RAI1: variants seen among roughly 807,000 people sequenced by gnomAD.
The protein encoded by RAI1 is retinoic acid-induced protein 1.
Under a neutral mutation model 123.8 loss-of-function variants are expected in RAI1, and 9 were observed. That is an observed-to-expected ratio of 0.07 (90% CI 0.04 to 0.13). The LOEUF (loss-of-function observed/expected upper bound fraction) is 0.13. Ranked by LOEUF, RAI1 falls within the 10% of genes least tolerant of loss-of-function variation. The pLI is 1.00. For synonymous variants in RAI1, 1,231 were observed against 1,127.3 expected (o/e 1.09, Z -1.84); for missense variants, 2,256 against 2,545.8 (o/e 0.89, Z 2.45).
At chr17:17,783,190 G>T (rs2031672705) in intron 2 of RAI1, among the ~76,000 whole-genome samples, 2 of 152,110 alleles carry the variant, frequency 1.3e-5, no homozygotes, top group African/African-American at 2.4e-5. Context: ...GCAGCGACCG[G>T]GGACCGGGGG....
intron 1 of RAI1, among the ~76,000 whole-genome samples, chr17:17,711,727 G>A (rs1194768554): frequency 2.0e-5 from 3 of 152,218 alleles, no homozygotes; most frequent in East Asian, 1.9e-4. Context: ...TTGAATAAAG[G>A]TGGGTGGGAC....
rs752124907 is a variant in RAI1 at position 17,796,187 on chromosome 17, C to T, written c.3239C>T (p.Pro1080Leu). 6.4e-7 allele frequency: 1 copy of T among 1,554,618 alleles called. No individual in the cohort carries two copies. The highest frequency in any genetic ancestry group is 8.7e-7 in the Non-Finnish European group (1 of 1,149,744). The change falls in exon 3 of 6, where the codon CCC becomes CTC. Residue 1080 changes from proline to leucine, a missense_variant. Around this residue, in one of 7 missense-constraint regions of RAI1, gnomAD observed 566 missense variants for 616.0 expected, o/e 0.92. Transcript: ENST00000353383. This position sits in a 1 kb window ranked among gnomAD's most constrained non-coding sequence, Gnocchi z 5.8. ...GPPGLTTTPA[P>L]PDKLGGKQRA... The stretch of plus-strand genomic sequence containing the variant: ...CCAGGCCTGACCACCACCCCTGCAC[C>T]CCCAGACAAACTGGGGGGCAAGCAG...
At chr17:17,733,131 C>A (rs1191835290) in intron 2 of RAI1, among the ~76,000 whole-genome samples, 1 of 152,212 alleles carries the variant, frequency 6.6e-6, no homozygotes, top group African/African-American at 2.4e-5. Context: ...CAGCTGGGCC[C>A]TGGCACTCTG....
chr17:17,747,253 C>T (rs1003891531), intron 2 of RAI1, among the ~76,000 whole-genome samples: 3 of 152,112 alleles, frequency 2.0e-5, no homozygotes, highest in Non-Finnish European at 2.9e-5. Context: ...GACCCCCACA[C>T]GTCACCTCCC....
rs767025491 is a variant in RAI1 at position 17,811,245 on chromosome 17, G to GTATACA, written c.*1275_*1280dup. On this transcript the variant is annotated 3_prime_UTR_variant, in exon 6 of 6. Coordinates refer to ENST00000353383, the MANE Select transcript of RAI1 (RefSeq NM_030665.4). ...GCCTCGTTATATAGTGTATATATAT[G>GTATACA]TATACATATACATATATATAATATA... 1 of 339,050 alleles carries GTATACA rather than the reference G, an allele frequency of 2.9e-6. No individual in the cohort carries two copies. The highest frequency in any genetic ancestry group is 8.8e-5 in the East Asian group (1 of 11,316). 21.0% of individuals were successfully genotyped at this position (339,050 alleles called of 1,614,324 possible). A position where few individuals can be genotyped will look rare whatever the true frequency, so the allele number is the denominator to read the frequency against.
intron 2 of RAI1, among the ~76,000 whole-genome samples, chr17:17,750,294 C>T (rs1211340616): frequency 2.0e-5 from 3 of 152,206 alleles, no homozygotes; most frequent in Non-Finnish European, 4.4e-5. Flanking sequence ...GTCACTATAC[C>T]CTGTTGTAAG....
intron 1 of RAI1, among the ~76,000 whole-genome samples, chr17:17,709,706 C>A (rs1230829714): frequency 6.6e-6 from 1 of 152,216 alleles, no homozygotes; most frequent in Non-Finnish European, 1.5e-5. Context: ...AGCACTAGGT[C>A]CAAAGTGATG....
chr17:17,794,106 C>G lies in RAI1; in HGVS notation c.1158C>G (p.Ile386Met). 1 of 1,614,104 alleles carries G rather than the reference C, an allele frequency of 6.2e-7. No homozygotes were observed. Residue 386 changes from isoleucine to methionine, a missense_variant, in exon 3 of 6, where the codon ATC becomes ATG. By Grantham distance (10) the Ile-to-Met change is conservative. Coordinates refer to ENST00000353383, the MANE Select transcript of RAI1 (RefSeq NM_030665.4). Reference protein sequence around the residue: ...PLSTGAFPAGITDHSHFMPLL... With the variant: ...PLSTGAFPAGMTDHSHFMPLL... ...GCACCGGGGCCTTCCCCGCAGGGAT[C>G]ACTGACCACAGCCACTTCATGCCCC...
intron 2 of RAI1, among the ~76,000 whole-genome samples, chr17:17,755,675 A>T (rs1431361228): frequency 1.3e-5 from 2 of 151,982 alleles, no homozygotes; most frequent in Admixed American, 1.3e-4. Context: ...TGCTTATCCT[A>T]TCCTGGGCCC....
Position 17,796,874 on chromosome 17 carries a change from C to A in RAI1, c.3926C>A (p.Ala1309Asp), listed in dbSNP as rs1230612518. The change falls in exon 3 of 6, where the codon GCC (alanine) becomes GAC (aspartate). Residue 1309 changes from alanine (A) to aspartate (D), a missense_variant. Ala to Asp is a moderately radical substitution (Grantham distance 126). Around this residue, in one of 7 missense-constraint regions of RAI1, gnomAD observed 322 missense variants for 358.0 expected, o/e 0.90. Coordinates refer to ENST00000353383, the MANE Select transcript of RAI1 (RefSeq NM_030665.4). This position sits in a 1 kb window ranked among gnomAD's most constrained non-coding sequence, Gnocchi z 5.8. The part of the protein sequence containing the change: ...DACLKLASRA[A>D]FQGAMKTKVL... ...TGCCTCAAGCTCGCCTCTCGGGCAGCCTTCCAGGGGGCCATGAAGACCAAG... is the reference window on the plus strand; with the variant it reads ...TGCCTCAAGCTCGCCTCTCGGGCAGACTTCCAGGGGGCCATGAAGACCAAG... The A allele has an allele frequency of 1.2e-6, 2 of 1,613,144 alleles. No individual in the cohort carries two copies. The highest frequency in any genetic ancestry group is 4.5e-5 in the East Asian group (2 of 44,874).
chr17:17,701,542 AGATG>A (rs894456331), intron 1 of RAI1, among the ~76,000 whole-genome samples: 2 of 152,040 alleles, frequency 1.3e-5, no homozygotes, highest in African/African-American at 4.8e-5. Context: ...TGCAGTTTTT[AGATG>A]GTCCCCTTTC....
At chr17:17,746,837 G>C (rs1217406710) in intron 2 of RAI1, among the ~76,000 whole-genome samples, 1 of 151,662 alleles carries the variant, frequency 6.6e-6, no homozygotes, top group Non-Finnish European at 1.5e-5. Context: ...GTTTCTCCAT[G>C]TTGGTCAGGC....
chr17:17,684,704 A>ATATATATATGTATG (rs1258508625), intron 1 of RAI1: 3 of 119,546 alleles, frequency 2.5e-5, no homozygotes, highest in East Asian at 5.6e-4. Context: ...ATATATATAT[A>ATATATATATGTATG]TATGTATGTA....
intron 2 of RAI1, among the ~76,000 whole-genome samples, chr17:17,742,910 G>A (rs1000137879): frequency 2.6e-5 from 4 of 152,202 alleles, no homozygotes; most frequent in Non-Finnish European, 5.9e-5. Context: ...CTGGGAACAG[G>A]AGCCAGGTAT....
At chr17:17,696,520 G>A (rs1915043590) in intron 1 of RAI1, among the ~76,000 whole-genome samples, 2 of 152,230 alleles carry the variant, frequency 1.3e-5, no homozygotes, top group African/African-American at 4.8e-5. Flanking sequence ...TGCTGTTTAA[G>A]ATGCTCCTGA....
Position 17,685,684 on chromosome 17 carries a change from G to T in RAI1, c.-149+3891G>T, listed in dbSNP as rs1051091955. 3.9e-5 allele frequency among the ~76,000 whole-genome samples: 6 copies of T among 152,142 alleles called. No individual in the cohort carries two copies. Among genetic ancestry groups the T allele is most frequent in the African/African-American group, 1.4e-4 (6 of 41,426 alleles). ...TGCTGGCCAGCAGCACTGTCAGAGC[G>T]ATCGTTCTAAACCCAGCAGATAACC... On this transcript the variant is annotated intron_variant, in intron 1 of 5. Coordinates refer to ENST00000353383, the MANE Select transcript of RAI1 (RefSeq NM_030665.4). This position sits in a 1 kb window ranked among gnomAD's most constrained non-coding sequence, Gnocchi z 4.0.
chr17:17,710,763 CAG>C (rs1429082374), intron 1 of RAI1, among the ~76,000 whole-genome samples: 3 of 152,222 alleles, frequency 2.0e-5, no homozygotes, highest in Non-Finnish European at 4.4e-5. Context: ...TCATTTGAGA[CAG>C]AGCCCTCTGG....
At chr17:17,693,174 C>G (rs1914897850) in intron 1 of RAI1, among the ~76,000 whole-genome samples, 1 of 152,228 alleles carries the variant, frequency 6.6e-6, no homozygotes, top group Admixed American at 6.5e-5. Flanking sequence ...GTGACGCCCC[C>G]GTGCAGCCTG....
At chr17:17,784,806 A>G (rs1017298373) in intron 2 of RAI1, among the ~76,000 whole-genome samples, 29 of 152,246 alleles carry the variant, frequency 1.9e-4, no homozygotes, top group African/African-American at 6.5e-4. Flanking sequence ...GATACTGAAC[A>G]CTAGCTGCAG....
Sources: allele counts gnomAD v4.1 joint callset (sites outside exome capture counted in the v4.1 genomes callset), GRCh38; gene constraint gnomAD v4.1.1; regional missense constraint gnomAD v4.1.1; non-coding constraint Gnocchi (gnomAD v3.1); transcripts MANE v1.5; gene names NCBI Gene and HGNC (gene_info 2026-07-23, HGNC 2026-07-21).